Variants in ABCC9 observed in about 807,000 individuals in gnomAD.
ABCC9 encodes ATP-binding cassette sub-family C member 9.
In ABCC9, 95 loss-of-function variants were observed where a neutral mutation model predicts 188.3. That is an observed-to-expected ratio of 0.50 (90% CI 0.43 to 0.60). The LOEUF (loss-of-function observed/expected upper bound fraction) is 0.60. ABCC9 is among the 20% of genes least tolerant of loss of function. The pLI is 0.00. For missense variants in ABCC9, 1,102 were observed against 1,876.3 expected, an observed-to-expected ratio of 0.59 and a Z score of 7.62; for synonymous variants, 659 against 652.7, an observed-to-expected ratio of 1.01 and a Z score of -0.15.
At position 21,872,621 on chromosome 12, in the gene ABCC9, A is replaced by G. The variant is rs1274858674; in HGVS notation, c.2198+4T>C. On this transcript the variant is annotated splice_donor_region_variant and intron_variant, in intron 18 of 39. Transcript: ENST00000261200. ...CAATGGAAGCCAACTAAAAATATAC[A>G]TACTTGCTCCAGTGAACTTTTCCTT... is the stretch of plus-strand genomic sequence containing the variant. 4 of 1,608,694 alleles carry G rather than the reference A, an allele frequency of 2.5e-6. No individual in the cohort carries two copies. The highest frequency in any genetic ancestry group is 2.7e-5 in the African/African-American group (2 of 74,784).
intron 12 of ABCC9, among the ~76,000 whole-genome samples, chr12:21,905,064 G>A (rs539980455): frequency 1.4e-4 from 21 of 152,332 alleles, no homozygotes; most frequent in Non-Finnish European, 2.9e-4. Flanking sequence ...TTAAGAAAAT[G>A]TGGCACATAT....
In ABCC9 at chr12:21,844,792, T is replaced by C. The variant is rs773935879; in HGVS notation, c.3220A>G (p.Asn1074Asp). Residue 1074 changes from asparagine (N) to aspartate (D), a missense_variant, in exon 27 of 40, where the codon AAT (asparagine) becomes GAT (aspartate). This residue lies in a region of ABCC9 where 74 missense variants were observed against 132.7 expected (regional missense o/e 0.56). Transcript: ENST00000261200. ...AAKNLHHNLL[N>D]KIILGPIRFF... Reference sequence around the variant, plus strand: ...CTTATTGGTCCAAGGATTATCTTATTGAGAAGGTTGTGGTGAAGATTTTTG... The same window carrying C: ...CTTATTGGTCCAAGGATTATCTTATCGAGAAGGTTGTGGTGAAGATTTTTG... 1.9e-6 allele frequency: 3 copies of C among 1,613,944 alleles called. No homozygotes were observed. The highest frequency in any genetic ancestry group is 2.5e-6 in the Non-Finnish European group (3 of 1,179,834).
At chr12:21,937,304 A>G (rs1214983715) in intron 2 of ABCC9, among the ~76,000 whole-genome samples, 1 of 152,186 alleles carries the variant, frequency 6.6e-6, no homozygotes, top group African/African-American at 2.4e-5. Flanking sequence ...CAACGAAACT[A>G]CTCAGATTCC....
At position 21,807,424 on chromosome 12, in the gene ABCC9, A is replaced by G. The variant is rs1180161734; in HGVS notation, c.4371T>C (p.Phe1457=). The G allele has an allele frequency of 1.2e-6, 2 of 1,613,922 alleles. No homozygotes were observed. The highest frequency in any genetic ancestry group is 2.7e-5 in the African/African-American group (2 of 74,930). Residue 1457 remains phenylalanine, a synonymous_variant, in exon 38 of 40, where the codon TTT becomes TTC. Transcript: ENST00000261200. ...TGCGGACAAAGGCCCTGGCAAGGCAAAATAGCTGTCTCTGTCCAACGCTAA... is the reference window on the plus strand; with the variant it reads ...TGCGGACAAAGGCCCTGGCAAGGCAGAATAGCTGTCTCTGTCCAACGCTAA... ...ENFSVGQRQL[F]CLARAFVRKS...
chr12:21,890,166 A>T (rs1947081065), intron 14 of ABCC9, among the ~76,000 whole-genome samples: 1 of 152,192 alleles, frequency 6.6e-6, no homozygotes, highest in African/African-American at 2.4e-5. Flanking sequence ...AATTATGGAA[A>T]ATGCACAAAT....
intron 18 of ABCC9, among the ~76,000 whole-genome samples, chr12:21,868,737 T>G (rs936289924): frequency 2.0e-5 from 3 of 152,196 alleles, no homozygotes; most frequent in African/African-American, 7.2e-5. Flanking sequence ...TTTAGTTTAT[T>G]GTTTTGGTTT....
At chr12:21,818,441 G>T (rs1942803627) in intron 31 of ABCC9, among the ~76,000 whole-genome samples, 190 bp from the exon 32 acceptor site, 1 of 149,506 alleles carries the variant, frequency 6.7e-6, no homozygotes, top group Non-Finnish European at 1.5e-5. Context: ...TGGAGAGTGA[G>T]TCCATGCTCT....
At position 21,801,056 on chromosome 12, in the gene ABCC9, G is replaced by T. The variant is rs143310355; in HGVS notation, c.4638C>A (p.Arg1546=). 3.1e-6 allele frequency: 5 copies of T among 1,613,758 alleles called. No individual in the cohort carries two copies. Among genetic ancestry groups the T allele is most frequent in the Non-Finnish European group, 3.4e-6 (4 of 1,179,878 alleles). Residue 1546 remains arginine, a synonymous_variant, in exon 40 of 40, where the codon CGC becomes CGA. Coordinates refer to ENST00000261200, the MANE Select transcript of ABCC9 (RefSeq NM_020297.4). ...QENGVFASFV[R]ADM ...TTAAGACACTCCTTCACATGTCTGC[G>T]CGAACAAAAGAAGCAAATACTCCAT...
chr12:21,925,389 C>T (rs563248127), intron 5 of ABCC9: 25 of 602,260 alleles, frequency 4.2e-5, no homozygotes, highest in African/African-American at 2.2e-4. Context: ...TGCGAAAGGC[C>T]GTGATGTAAT....
intron 15 of ABCC9, among the ~76,000 whole-genome samples, chr12:21,887,574 C>T (rs141714080): frequency 6.6e-6 from 1 of 152,056 alleles, no homozygotes; most frequent in Non-Finnish European, 1.5e-5. Flanking sequence ...AGTAAGCAAA[C>T]TCTCAATTTC....
chr12:21,859,708 G>T, intron 21 of ABCC9, 42 bp from the exon 22 acceptor site: 1 of 1,515,340 alleles, frequency 6.6e-7, no homozygotes, highest in Non-Finnish European at 9.2e-7. Flanking sequence ...TTTAATATTA[G>T]TAAATGATCT....
intron 16 of ABCC9, among the ~76,000 whole-genome samples, chr12:21,879,000 G>GGT (rs1158702180): frequency 1.3e-5 from 2 of 152,308 alleles, no homozygotes; most frequent in Admixed American, 1.3e-4. Flanking sequence ...TGTAAGGATA[G>GGT]GTACAATGAT....
chr12:21,876,730 C>A (rs1946369081), intron 16 of ABCC9, among the ~76,000 whole-genome samples: 1 of 152,160 alleles, frequency 6.6e-6, no homozygotes, highest in African/African-American at 2.4e-5. Flanking sequence ...TCCTAAAAAT[C>A]AGGAGAAATT....
In ABCC9 at chr12:21,910,805, G is replaced by T. The variant is rs576037732; in HGVS notation, c.1164+21C>A. On this transcript the variant is annotated intron_variant, in intron 9 of 39. Transcript: ENST00000261200. The stretch of plus-strand genomic sequence containing the variant: ...ATATAGCATTCTTAGGAAACAAATA[G>T]TATTCACAGCCTTTACATACCAGCA... 2.5e-6 allele frequency: 4 copies of T among 1,596,026 alleles called. No homozygotes were observed. In the African/African-American group the frequency reaches 4.0e-5, roughly 16 times the overall value.
At chr12:21,890,581 C>T (rs182498501) in intron 14 of ABCC9, among the ~76,000 whole-genome samples, 63 of 152,114 alleles carry the variant, frequency 4.1e-4, no homozygotes, top group African/African-American at 1.5e-3. Flanking sequence ...AAATGTCCAA[C>T]AACAATAGAC....
At chr12:21,936,454 T>C (rs1395204693) in intron 3 of ABCC9, 79 bp downstream of exon 3, 1 of 1,282,616 alleles carries the variant, frequency 7.8e-7, no homozygotes, top group Non-Finnish European at 1.1e-6. Flanking sequence ...AGAAATTAAG[T>C]CAACATTATC....
At chr12:21,925,257 G>A (rs1949001473) in intron 5 of ABCC9, 1 of 466,632 alleles carries the variant, frequency 2.1e-6, no homozygotes, top group South Asian at 3.8e-5. Flanking sequence ...AACTCATATA[G>A]ATGCGTTATA....
intron 7 of ABCC9, among the ~76,000 whole-genome samples, chr12:21,915,259 G>GTATAATGTGTATATGTATGTGTGTA (rs1565480384): frequency 9.0e-6 from 1 of 110,946 alleles, no homozygotes; most frequent in Non-Finnish European, 1.8e-5. Flanking sequence ...GTGTGTGTGT[G>GTATAATGTGTATATGTATGTGTGTA]TGTATATAAT....
In ABCC9 at chr12:21,930,058, C is replaced by T. The variant is rs1287516931; in HGVS notation, c.284+3724G>A. 2.7e-5 allele frequency among the ~76,000 whole-genome samples: 4 copies of T among 147,958 alleles called. No homozygotes were observed. In the East Asian group the frequency reaches 8.3e-4, roughly 31 times the overall value. On this transcript the variant is annotated intron_variant, in intron 4 of 39. Transcript: ENST00000261200. ...TCCAAGTGTTCTCATTGTTCAAGTC[C>T]CACCTATGAGTGAGAACATGCGGTG... is the stretch of plus-strand genomic sequence containing the variant.
Sources: allele counts gnomAD v4.1 joint callset (sites outside exome capture counted in the v4.1 genomes callset), GRCh38; gene constraint gnomAD v4.1.1; regional missense constraint gnomAD v4.1.1; transcripts MANE v1.5; gene names NCBI Gene and HGNC (gene_info 2026-07-23, HGNC 2026-07-21).